Variants in PIWIL2 observed in about 807,000 individuals in gnomAD.
The protein encoded by PIWIL2 is piwi-like protein 2.
A neutral mutation model predicts 116.5 loss-of-function variants in PIWIL2; 81 were observed. That is an observed-to-expected ratio of 0.70 (90% CI 0.58 to 0.84). The LOEUF (loss-of-function observed/expected upper bound fraction) is 0.84, where lower values mean the gene tolerates loss of function less well. Ranked by LOEUF, PIWIL2 falls within the 40% of genes least tolerant of loss-of-function variation. The pLI is 0.00. For synonymous variants in PIWIL2, 489 were observed against 429.5 expected (o/e 1.14, Z -1.71); for missense variants, 1,272 against 1,212.3 (o/e 1.05, Z -0.73).
intron 20 of PIWIL2, among the ~76,000 whole-genome samples, chr8:22,342,595 C>G (rs1439870216): frequency 6.6e-6 from 1 of 152,164 alleles, no homozygotes. Context: ...TATGCATAGA[C>G]CATACACGTT....
At chr8:22,289,431 G>A (rs988545740) in intron 8 of PIWIL2, among the ~76,000 whole-genome samples, 2 of 152,182 alleles carry the variant, frequency 1.3e-5, no homozygotes, top group South Asian at 2.1e-4. Flanking sequence ...GATTAGAGGC[G>A]TAAGCCACCG....
intron 20 of PIWIL2, among the ~76,000 whole-genome samples, chr8:22,350,879 G>A (rs534946207): frequency 1.5e-3 from 221 of 152,062 alleles, no homozygotes; most frequent in Non-Finnish European, 8.8e-5. Context: ...AGTGGCTAAC[G>A]CTTGTAGTCC....
intron 20 of PIWIL2, among the ~76,000 whole-genome samples, chr8:22,339,349 T>C (rs1053459320): frequency 1.3e-5 from 2 of 151,638 alleles, no homozygotes; most frequent in Admixed American, 6.6e-5. Flanking sequence ...CTACTAAAAA[T>C]ACAAAAAAAT....
intron 20 of PIWIL2, among the ~76,000 whole-genome samples, chr8:22,349,417 G>GTATATA (rs1431825878): frequency 5.3e-4 from 71 of 134,584 alleles, no homozygotes; most frequent in South Asian, 2.8e-3. Context: ...ATATGTGTGT[G>GTATATA]TGTATATATA....
chr8:22,353,721 G>A (rs1157413009), intron 21 of PIWIL2, among the ~76,000 whole-genome samples: 1 of 144,198 alleles, frequency 6.9e-6, no homozygotes, highest in Non-Finnish European at 1.5e-5. Context: ...TGCTAAGATA[G>A]CGTATGCTTA....
Position 22,290,975 on chromosome 8 carries a change from T to TA in PIWIL2, c.1181+629_1181+630insA, listed in dbSNP as rs947701007. The stretch of plus-strand genomic sequence containing the variant: ...TAGTAAATACAGATGTGTATATATA[T>TA]TTTTTTTAATTGAGACAGAGTCTCA... On this transcript the variant is annotated intron_variant, in intron 10 of 22. Transcript: ENST00000356766. Among the ~76,000 whole-genome samples the TA allele has an allele frequency of 1.2e-4, 18 of 149,530 alleles. 1 individual carries two copies. The highest frequency in any genetic ancestry group is 2.4e-4 in the African/African-American group (10 of 41,258).
At chr8:22,323,757 A>G (rs1831661386) in intron 20 of PIWIL2, among the ~76,000 whole-genome samples, 1 of 152,240 alleles carries the variant, frequency 6.6e-6, no homozygotes. Flanking sequence ...TCAGTCATAA[A>G]TAATTAGTCC....
intron 15 of PIWIL2, among the ~76,000 whole-genome samples, chr8:22,310,665 G>C (rs1291110771): frequency 2.0e-5 from 3 of 152,044 alleles, no homozygotes; most frequent in Admixed American, 2.0e-4. Context: ...CAAGGGTTAA[G>C]ATGCAGAACT....
At chr8:22,299,655 CCA>C (rs1364898389) in intron 10 of PIWIL2, among the ~76,000 whole-genome samples, 7 of 152,038 alleles carry the variant, frequency 4.6e-5, no homozygotes, top group African/African-American at 1.7e-4. Context: ...CGTAAAAAAC[CCA>C]CACACATTTA....
chr8:22,325,132 G>C (rs1159378408), intron 20 of PIWIL2, among the ~76,000 whole-genome samples: 1 of 152,200 alleles, frequency 6.6e-6, no homozygotes, highest in Admixed American at 6.5e-5. Context: ...GGTCATGTGG[G>C]AAAGAAAGAA....
intron 10 of PIWIL2, among the ~76,000 whole-genome samples, chr8:22,293,740 A>C (rs904528509): frequency 3.9e-5 from 6 of 152,222 alleles, no homozygotes; most frequent in African/African-American, 7.2e-5. Flanking sequence ...CACAGATTCA[A>C]ATCACTGCCT....
In PIWIL2 at chr8:22,283,146, G is replaced by A; in HGVS notation, c.538G>A (p.Gly180Ser). ...PPCTFSTPSR[G>S]PPQLSSPPAL... ...CTGTACCTTCAGCACACCGTCCCGG[G>A]GTCCCCCGCAGCTGTCATCACCACC... is the stretch of plus-strand genomic sequence containing the variant. The change falls in exon 5 of 23, where the codon GGT (glycine) becomes AGT (serine). Residue 180 changes from glycine to serine, a missense_variant. By Grantham distance (56) the Gly-to-Ser change is moderately conservative. Coordinates refer to ENST00000356766, the MANE Select transcript of PIWIL2 (RefSeq NM_018068.5). 1 of 1,614,152 alleles carries A rather than the reference G, an allele frequency of 6.2e-7. No homozygotes were observed. The highest frequency in any genetic ancestry group is 1.1e-5 in the South Asian group (1 of 91,080).
At chr8:22,346,334 AG>A (rs1290511869) in intron 20 of PIWIL2, among the ~76,000 whole-genome samples, 2 of 152,244 alleles carry the variant, frequency 1.3e-5, no homozygotes, top group African/African-American at 4.8e-5. Flanking sequence ...ACAGCTTTTT[AG>A]TTCCCGTGGT....
rs57742067 is a variant in PIWIL2, at chr8:22,294,900, GAAAAAAAAAAAAA to G, written c.1181+4571_1181+4583del. Among the ~76,000 whole-genome samples the G allele has an allele frequency of 4.8e-3, 449 of 93,646 alleles. 7 individuals are homozygous for G. The highest frequency in any genetic ancestry group is 0.015 in the African/African-American group (382 of 25,968). The allele number at this position is 93,646 out of a possible 152,430, so 61.4% of individuals were successfully genotyped here. On this transcript the variant is annotated intron_variant, in intron 10 of 22. Transcript: ENST00000356766. ...ACATGGTGAAATCCCATCTTTACTG[GAAAAAAAAAAAAA>G]AAAAAAAAAAAAAAAATTAACTGGG...
In PIWIL2 at chr8:22,354,797, C is replaced by T. The variant is rs185622027; in HGVS notation, c.2765+419C>T. ...TCGTATAAAAACAGGAGGCTGGGTG[C>T]GGTGGCTCACGCCTATAATCCCAGC... On this transcript the variant is annotated intron_variant, in intron 22 of 22. Coordinates refer to ENST00000356766, the MANE Select transcript of PIWIL2 (RefSeq NM_018068.5). Among the ~76,000 whole-genome samples, 36 of 152,274 alleles carry T rather than the reference C, an allele frequency of 2.4e-4. 1 individual carries two copies. Among genetic ancestry groups the T allele is most frequent in the Middle Eastern group, 3.4e-3 (1 of 294 alleles).
At chr8:22,300,221 G>C (rs540332313) in intron 10 of PIWIL2, among the ~76,000 whole-genome samples, 2 of 152,212 alleles carry the variant, frequency 1.3e-5, no homozygotes, top group East Asian at 1.9e-4. Flanking sequence ...TAGGCATAAG[G>C]GGGGCGAGGA....
intron 14 of PIWIL2, 81 bp downstream of exon 14, chr8:22,308,154 G>C (rs1831234852): frequency 9.4e-7 from 1 of 1,060,744 alleles, no homozygotes; most frequent in Admixed American, 2.4e-5. Context: ...TTTGTTGTCA[G>C]TATATTTTGA....
In PIWIL2 at chr8:22,324,704, T is replaced by G. The variant is rs571957523; in HGVS notation, c.2403+6429T>G. On this transcript the variant is annotated intron_variant, in intron 20 of 22. Transcript: ENST00000356766. ...TCCCCAGTACCTGTGAATGTAACCTTGTTTGGAAATAAAGTCTTTGCATAT... is the reference window on the plus strand; with the variant it reads ...TCCCCAGTACCTGTGAATGTAACCTGGTTTGGAAATAAAGTCTTTGCATAT... 4.2e-4 allele frequency among the ~76,000 whole-genome samples: 64 copies of G among 152,284 alleles called. 1 individual carries two copies. Among genetic ancestry groups the G allele is most frequent in the African/African-American group, 1.5e-3 (64 of 41,550 alleles).
At chr8:22,346,762 A>T (rs1241488179) in intron 20 of PIWIL2, among the ~76,000 whole-genome samples, 1 of 152,184 alleles carries the variant, frequency 6.6e-6, no homozygotes, top group African/African-American at 2.4e-5. Context: ...AGAAATAACA[A>T]TAAGCCAGGC....
Sources: gnomAD v4.1 joint callset for allele counts (sites outside exome capture counted in the v4.1 genomes callset) on GRCh38, gnomAD v4.1.1 for gene constraint, MANE v1.5 for transcripts, NCBI Gene and HGNC (gene_info 2026-07-23, HGNC 2026-07-21) for gene names.